PKIB: variants seen among roughly 807,000 people sequenced by gnomAD.
PKIB encodes cAMP-dependent protein kinase inhibitor beta.
PKIB carries 2 observed loss-of-function variants against 4.5 expected under a neutral mutation model. That is an observed-to-expected ratio of 0.44 (90% confidence interval 0.18 to 1.39). PKIB has a LOEUF of 1.39. Ranked by LOEUF, PKIB falls within the 40% of genes most tolerant of loss-of-function variation. PKIB has a pLI of 0.27. For missense variants in PKIB, 94 were observed against 92.6 expected (o/e 1.02, Z -0.06); for synonymous variants, 38 against 36.0 (o/e 1.06, Z -0.20).
chr6:122,669,623 T>C (rs1354828767), intron 2 of PKIB, among the ~76,000 whole-genome samples: 1 of 152,194 alleles, frequency 6.6e-6, no homozygotes, highest in African/African-American at 2.4e-5. Flanking sequence ...CATTTCTATT[T>C]TCAAATTTTT....
intron 2 of PKIB, among the ~76,000 whole-genome samples, chr6:122,634,581 A>T (rs9398684): frequency 0.25 from 38,442 of 151,860 alleles, 5,381 homozygotes; most frequent in East Asian, 0.37. Context: ...ACACAACTCC[A>T]GGGAAGCAGG....
chr6:122,637,056 GT>G (rs1478313291), intron 2 of PKIB, among the ~76,000 whole-genome samples: 5 of 152,146 alleles, frequency 3.3e-5, no homozygotes, highest in African/African-American at 4.8e-5. Context: ...ACAAATACTT[GT>G]CAGATTGATA....
intron 2 of PKIB, among the ~76,000 whole-genome samples, chr6:122,495,985 CTG>C (rs1178329879): frequency 6.6e-6 from 1 of 152,170 alleles, no homozygotes; most frequent in Non-Finnish European, 1.5e-5. Context: ...CTTGCCATCT[CTG>C]TATTCATAGG....
chr6:122,711,750 G>A (rs1021513904), intron 3 of PKIB, among the ~76,000 whole-genome samples: 2 of 151,856 alleles, frequency 1.3e-5, no homozygotes, highest in Non-Finnish European at 2.9e-5. Context: ...GTGCTGGAAG[G>A]GTATTCAGCT....
chr6:122,704,980 C>T (rs1425825074), intron 3 of PKIB, among the ~76,000 whole-genome samples: 1 of 152,130 alleles, frequency 6.6e-6, no homozygotes, highest in East Asian at 1.9e-4. Flanking sequence ...GCTTTTAGCT[C>T]AAACAATTGA....
chr6:122,521,156 G>A (rs1397819251), intron 2 of PKIB, among the ~76,000 whole-genome samples: 1 of 152,180 alleles, frequency 6.6e-6, no homozygotes, highest in Non-Finnish European at 1.5e-5. Flanking sequence ...CCTCTCATAT[G>A]TAATGGTTTT....
At chr6:122,528,318 G>C (rs1777155638) in intron 2 of PKIB, among the ~76,000 whole-genome samples, 1 of 152,076 alleles carries the variant, frequency 6.6e-6, no homozygotes, top group Admixed American at 6.5e-5. Flanking sequence ...CAGATAGCTG[G>C]GTCCTATGTT....
chr6:122,659,124 A>C (rs1429333101), intron 2 of PKIB, among the ~76,000 whole-genome samples: 1 of 152,154 alleles, frequency 6.6e-6, no homozygotes, highest in South Asian at 2.1e-4. Flanking sequence ...GAATGCTTCT[A>C]AACACTTTAA....
intron 1 of PKIB, among the ~76,000 whole-genome samples, chr6:122,476,091 C>T (rs979885301): frequency 1.3e-5 from 2 of 152,048 alleles, no homozygotes; most frequent in Non-Finnish European, 2.9e-5. Context: ...TTCTCTTGTC[C>T]TTAGTACATC....
At chr6:122,563,296 C>G (rs1322806712) in intron 2 of PKIB, among the ~76,000 whole-genome samples, 1 of 152,140 alleles carries the variant, frequency 6.6e-6, no homozygotes, top group Admixed American at 6.6e-5. Context: ...GTTGTCTGCA[C>G]ATAGTCCTGT....
chr6:122,671,963 C>A (rs559332763), intron 2 of PKIB, among the ~76,000 whole-genome samples: 4 of 151,980 alleles, frequency 2.6e-5, no homozygotes, highest in South Asian at 2.1e-4. Flanking sequence ...TACCTTAATT[C>A]CTGTTAGTTA....
intron 3 of PKIB, among the ~76,000 whole-genome samples, chr6:122,690,245 T>C (rs1385895582): frequency 2.0e-5 from 3 of 152,042 alleles, no homozygotes; most frequent in Admixed American, 2.0e-4. Context: ...ATTTAGTCCA[T>C]TTACATTCAA....
intron 2 of PKIB, among the ~76,000 whole-genome samples, chr6:122,582,275 A>G (rs1262104674): frequency 6.6e-6 from 1 of 151,942 alleles, no homozygotes; most frequent in Admixed American, 6.6e-5. Flanking sequence ...TAGTCATACC[A>G]CTGTGGACTT....
rs1241068152 is a variant in PKIB, at chr6:122,541,348, T to G, written c.-247-44573T>G. 5.3e-5 allele frequency among the ~76,000 whole-genome samples: 8 copies of G among 152,122 alleles called. No individual in the cohort carries two copies. The East Asian group carries it at 1.5e-3, about 29-fold the overall frequency. Reference sequence around the variant, plus strand: ...GTTGTTCCTTTCCATGTTTAGTGCTTCCTTCAGGAGCTCTTTTAGGGCAGG... The same window carrying G: ...GTTGTTCCTTTCCATGTTTAGTGCTGCCTTCAGGAGCTCTTTTAGGGCAGG... On this transcript the variant is annotated intron_variant, in intron 2 of 6. Transcript: ENST00000392491.
chr6:122,693,877 A>C (rs955378998), intron 3 of PKIB, among the ~76,000 whole-genome samples: 4 of 151,904 alleles, frequency 2.6e-5, no homozygotes, highest in African/African-American at 9.7e-5. Flanking sequence ...AAAGTAAAAA[A>C]CTCTAGGAGA....
intron 3 of PKIB, among the ~76,000 whole-genome samples, chr6:122,681,035 G>A (rs1335358088): frequency 3.3e-5 from 5 of 151,898 alleles, no homozygotes; most frequent in East Asian, 1.9e-4. Flanking sequence ...AAATGTGCTC[G>A]TCTCTCCTGC....
rs187624781 is a variant in PKIB, at chr6:122,649,987, C to T, written c.-76+16620C>T. Reference sequence around the variant, plus strand: ...ATGGCAGCTTGGACTTGTTATAGAGCCTTCTCTTATTTGGGTACCCACCTA... The same window carrying T: ...ATGGCAGCTTGGACTTGTTATAGAGTCTTCTCTTATTTGGGTACCCACCTA... On this transcript the variant is annotated intron_variant, in intron 2 of 4. Transcript: ENST00000368452. Among the ~76,000 whole-genome samples, 13 of 152,232 alleles carry T rather than the reference C, an allele frequency of 8.5e-5. No individual in the cohort carries two copies. The East Asian group carries it at 1.5e-3, about 18-fold the overall frequency.
At chr6:122,700,168 C>CTGTTGT (rs151151718) in intron 3 of PKIB, among the ~76,000 whole-genome samples, 111,189 of 149,506 alleles carry the variant, frequency 0.74, 41,558 homozygotes, top group South Asian at 0.89. Flanking sequence ...TTTTAGGGTT[C>CTGTTGT]TGTTGTTGTT....
intron 2 of PKIB, among the ~76,000 whole-genome samples, chr6:122,578,628 C>A (rs1462993714): frequency 6.6e-6 from 1 of 152,182 alleles, no homozygotes; most frequent in Non-Finnish European, 1.5e-5. Flanking sequence ...ATCTTGGTCT[C>A]TGTTGCTCCT....
Sources: allele counts gnomAD v4.1 joint callset (sites outside exome capture counted in the v4.1 genomes callset), GRCh38; gene constraint gnomAD v4.1.1; transcripts MANE v1.5; gene names NCBI Gene and HGNC (gene_info 2026-07-23, HGNC 2026-07-21).